SNF8: variants seen among roughly 807,000 people sequenced by gnomAD.
SNF8 encodes the protein SNF8 subunit of ESCRT-II.
In SNF8, 19 loss-of-function variants were observed where a neutral mutation model predicts 36.8. The ratio of observed to expected loss-of-function variants is 0.52; its 90% confidence interval spans 0.36 to 0.76. SNF8 has a LOEUF of 0.76. Among genes scored for constraint, SNF8 ranks in the 30% least tolerant of loss-of-function variants. The pLI is 0.00. For synonymous variants in SNF8, 127 were observed against 127.4 expected (o/e 1.00, Z 0.02); for missense variants, 268 against 322.9 (o/e 0.83, Z 1.30).
At chr17:48,940,714 C>T (rs537757634) in intron 3 of SNF8, among the ~76,000 whole-genome samples, 11 of 152,112 alleles carry the variant, frequency 7.2e-5, no homozygotes, top group South Asian at 6.2e-4. Context: ...GGCGTGAACC[C>T]GGGAGGCAGA....
chr17:48,943,864 G>A, intron 2 of SNF8, 61 bp downstream of exon 2: 5 of 1,424,030 alleles, frequency 3.5e-6, no homozygotes, highest in Non-Finnish European at 5.0e-6. Flanking sequence ...TCGTATCCAA[G>A]GTGTCTTGGC....
At chr17:48,933,148 A>T in intron 6 of SNF8, 57 bp downstream of exon 6, 2 of 1,597,328 alleles carry the variant, frequency 1.3e-6, no homozygotes, top group Non-Finnish European at 1.7e-6. Context: ...GAACTGCTCC[A>T]GACTTGCCTC....
Position 48,939,458 on chromosome 17 carries a change from C to CTT in SNF8, c.244+1464_244+1465dup, listed in dbSNP as rs528890224. Among the ~76,000 whole-genome samples, 1,228 of 132,612 alleles carry CTT rather than the reference C, an allele frequency of 9.3e-3. 25 individuals carry two copies. Among genetic ancestry groups the CTT allele is most frequent in the Middle Eastern group, 0.015 (4 of 262 alleles). The allele number at this position is 132,612 out of a possible 152,430, so 87.0% of individuals were successfully genotyped here. A position where few individuals can be genotyped will look rare whatever the true frequency, so the allele number is the denominator to read the frequency against. On this transcript the variant is annotated intron_variant, in intron 3 of 7. Coordinates refer to ENST00000502492, the MANE Select transcript of SNF8 (RefSeq NM_007241.4). ...CTAAAAAATAATAAATTAGTAATTT[C>CTT]TTTTTTTTTTTTTTTTGGGGGGATG...
At position 48,944,777 on chromosome 17, in the gene SNF8, G is replaced by A. The variant is rs762442015; in HGVS notation, c.-43C>T. On this transcript the variant is annotated 5_prime_UTR_variant, in exon 1 of 8. Coordinates refer to ENST00000502492, the MANE Select transcript of SNF8 (RefSeq NM_007241.4). ...GGGCCGCCCGGCTGCCGGGACCCCG[G>A]GTCTCCACGTCCCGGACTCCGCCGC... 4 of 1,573,758 alleles carry A rather than the reference G, an allele frequency of 2.5e-6. No individual in the cohort carries two copies. Among genetic ancestry groups the A allele is most frequent in the Middle Eastern group, 1.8e-4 (1 of 5,588 alleles).
intron 4 of SNF8, among the ~76,000 whole-genome samples, chr17:48,936,477 T>C (rs901906243): frequency 1.3e-5 from 2 of 152,248 alleles, no homozygotes; most frequent in Non-Finnish European, 2.9e-5. Flanking sequence ...GTATCATCTT[T>C]GAAAAACTAT....
chr17:48,932,254 A>C (rs1414879755), intron 6 of SNF8: 1 of 152,378 alleles, frequency 6.6e-6, no homozygotes, highest in Non-Finnish European at 1.5e-5. Flanking sequence ...TTGTACTAAC[A>C]TACTGAGTTA....
At chr17:48,943,616 CAA>C (rs2041062290) in intron 2 of SNF8, among the ~76,000 whole-genome samples, 1 of 151,544 alleles carries the variant, frequency 6.6e-6, no homozygotes, top group Non-Finnish European at 1.5e-5. Flanking sequence ...AAAAAACAAA[CAA>C]ACAAACAAAC....
intron 7 of SNF8, among the ~76,000 whole-genome samples, chr17:48,931,028 C>T (rs1243244021): frequency 6.6e-6 from 1 of 152,176 alleles, no homozygotes; most frequent in Non-Finnish European, 1.5e-5. Flanking sequence ...CAAGAATAGA[C>T]TCAGTTCCTA....
At chr17:48,943,606 A>G (rs2041061833) in intron 2 of SNF8, among the ~76,000 whole-genome samples, 1 of 21,372 alleles carries the variant, frequency 4.7e-5, no homozygotes, top group African/African-American at 1.3e-4. Context: ...AGACTCCCTC[A>G]AAAAACAAAC....
chr17:48,934,102 A>G (rs1327699064), intron 5 of SNF8, among the ~76,000 whole-genome samples: 1 of 152,240 alleles, frequency 6.6e-6, no homozygotes, highest in African/African-American at 2.4e-5. Flanking sequence ...AACAGTGTGT[A>G]GATCACATAT....
intron 7 of SNF8, 66 bp downstream of exon 7, chr17:48,931,577 T>A: frequency 7.6e-7 from 1 of 1,319,856 alleles, no homozygotes; most frequent in Non-Finnish European, 1.1e-6. Flanking sequence ...TTCCTGCATT[T>A]GTGGAACCCA....
intron 5 of SNF8, 157 bp downstream of exon 5, chr17:48,936,013 A>ATTT: frequency 4.1e-6 from 2 of 487,974 alleles, no homozygotes; most frequent in Non-Finnish European, 7.2e-6. Flanking sequence ...CCTATCTCTT[A>ATTT]TTTTTTGTTT....
intron 4 of SNF8, chr17:48,936,778 G>A: frequency 1.8e-6 from 1 of 557,108 alleles, no homozygotes; most frequent in Non-Finnish European, 3.2e-6. Flanking sequence ...ACTATTTTCT[G>A]TACTGACTAG....
intron 3 of SNF8, 48 bp downstream of exon 3, chr17:48,940,876 C>T: frequency 6.3e-7 from 1 of 1,594,006 alleles, no homozygotes. Flanking sequence ...AGCTTCTGTT[C>T]CTCAGGTACT....
At chr17:48,930,805 TACG>T (rs1236783489) in intron 7 of SNF8, among the ~76,000 whole-genome samples, 193 bp from the exon 8 acceptor site, 1 of 152,276 alleles carries the variant, frequency 6.6e-6, no homozygotes, top group Non-Finnish European at 1.5e-5. Context: ...TGAAAAATGC[TACG>T]AAGTCATTTA....
intron 7 of SNF8, among the ~76,000 whole-genome samples, chr17:48,931,222 T>C (rs1393976180): frequency 6.6e-6 from 1 of 152,214 alleles, no homozygotes; most frequent in Non-Finnish European, 1.5e-5. Flanking sequence ...TTCAGTACGA[T>C]GAAATTTGTA....
chr17:48,940,634 C>CA (rs1465590245), intron 3 of SNF8, among the ~76,000 whole-genome samples: 1 of 151,978 alleles, frequency 6.6e-6, no homozygotes, highest in Non-Finnish European at 1.5e-5. Flanking sequence ...ACTAAAAACA[C>CA]AAAAAATTAG....
chr17:48,940,840 C>T (rs2041011834), intron 3 of SNF8, 84 bp downstream of exon 3: 1 of 1,507,698 alleles, frequency 6.6e-7, no homozygotes, highest in South Asian at 1.2e-5. Context: ...AGTGGATGCC[C>T]CAACAGTGGT....
chr17:48,941,343 A>G (rs2041020397), intron 2 of SNF8, among the ~76,000 whole-genome samples: 1 of 152,156 alleles, frequency 6.6e-6, no homozygotes. Context: ...CAAGGTGCAC[A>G]TATATACAAC....
Sources: gnomAD v4.1 joint callset for allele counts (sites outside exome capture counted in the v4.1 genomes callset) on GRCh38, gnomAD v4.1.1 for gene constraint, MANE v1.5 for transcripts, NCBI Gene and HGNC (gene_info 2026-07-23, HGNC 2026-07-21) for gene names.